UBE2D4: variants seen among roughly 807,000 people sequenced by gnomAD.
UBE2D4 encodes the protein ubiquitin-conjugating enzyme E2 D4.
In UBE2D4, 17 loss-of-function variants were observed where a neutral mutation model predicts 23.0. The ratio of observed to expected loss-of-function variants is 0.74; its 90% CI spans 0.51 to 1.11. UBE2D4 has a LOEUF of 1.11. Ranked by LOEUF, UBE2D4 falls within the 50% of genes least tolerant of loss-of-function variation. UBE2D4 has a pLI of 0.00. For synonymous variants in UBE2D4, 61 were observed against 69.4 expected, an observed-to-expected ratio of 0.88 and a Z score of 0.60; for missense variants, 139 against 181.8, an observed-to-expected ratio of 0.76 and a Z score of 1.35.
intron 1 of UBE2D4, among the ~76,000 whole-genome samples, chr7:43,936,103 C>T (rs1006833453): frequency 6.6e-6 from 1 of 152,222 alleles, no homozygotes; most frequent in Non-Finnish European, 1.5e-5. Flanking sequence ...GAACTCCTGA[C>T]ATCAGGCGAT....
At chr7:43,939,532 G>A (rs2095966416) in intron 2 of UBE2D4, among the ~76,000 whole-genome samples, 1 of 152,192 alleles carries the variant, frequency 6.6e-6, no homozygotes, top group Non-Finnish European at 1.5e-5. Context: ...GAAAATAGGT[G>A]GGGAGGGGAG....
intron 1 of UBE2D4, among the ~76,000 whole-genome samples, chr7:43,933,068 C>T (rs1408477543): frequency 2.8e-5 from 4 of 145,234 alleles, no homozygotes; most frequent in Non-Finnish European, 6.0e-5. Flanking sequence ...CATATATACA[C>T]ACATATATAT....
chr7:43,948,150 C>T (rs2132793761), intron 4 of UBE2D4, among the ~76,000 whole-genome samples: 1 of 152,298 alleles, frequency 6.6e-6, no homozygotes, highest in Middle Eastern at 3.4e-3. Flanking sequence ...GTTGCCTGTT[C>T]ACTCTGATGA....
Position 43,954,256 on chromosome 7 carries a change from CCTTTTT to C in UBE2D4, c.*1562_*1567del, listed in dbSNP as rs2096008878. 1.7e-5 allele frequency: 2 copies of C among 119,174 alleles called. No individual in the cohort carries two copies. The highest frequency in any genetic ancestry group is 6.6e-5 in the African/African-American group (2 of 30,332). The allele number at this position is 119,174 out of a possible 1,614,324, so 7.4% of individuals were successfully genotyped here. Reference sequence around the variant, plus strand: ...CTGCATCTCACCATGTTGAGGATTGCCTTTTTTTTTTTTTTTTTTTTTTTTTTTTAA... The same window carrying C: ...CTGCATCTCACCATGTTGAGGATTGCTTTTTTTTTTTTTTTTTTTTTTTAA... On this transcript the variant is annotated 3_prime_UTR_variant, in exon 7 of 7. Transcript: ENST00000222402.
rs1388632738 is a variant in UBE2D4 at position 43,953,040 on chromosome 7, T to G, written c.*345T>G. 1 of 424,126 alleles carries G rather than the reference T, an allele frequency of 2.4e-6. No individual in the cohort carries two copies. Among genetic ancestry groups the G allele is most frequent in the Non-Finnish European group, 4.7e-6 (1 of 212,380 alleles). 26.3% of individuals were successfully genotyped at this position (424,126 alleles called of 1,614,324 possible). A position where few individuals can be genotyped will look rare whatever the true frequency, so the allele number is the denominator to read the frequency against. On this transcript the variant is annotated 3_prime_UTR_variant, in exon 7 of 7. Transcript: ENST00000222402. ...CCTACCCGGCCTCAAATGGTGCTGCTGCCCATGATGGTACCACACCAGGGC... is the reference window on the plus strand; with the variant it reads ...CCTACCCGGCCTCAAATGGTGCTGCGGCCCATGATGGTACCACACCAGGGC...
At chr7:43,949,004 T>G (rs1287867598) in intron 5 of UBE2D4, 1 of 446,954 alleles carries the variant, frequency 2.2e-6, no homozygotes, top group Non-Finnish European at 4.0e-6. Context: ...AAAATACTGA[T>G]TCTACTTATA....
At chr7:43,943,465 C>T (rs766064035) in intron 4 of UBE2D4, 14 of 227,710 alleles carry the variant, frequency 6.1e-5, no homozygotes, top group Non-Finnish European at 1.1e-4. Context: ...GGTATCTAGT[C>T]GGCAAAGGCC....
intron 4 of UBE2D4, 82 bp from the exon 5 acceptor site, chr7:43,948,550 G>A (rs2095993750): frequency 4.4e-6 from 4 of 913,020 alleles, no homozygotes; most frequent in Non-Finnish European, 7.1e-6. Context: ...GTACTGCCCA[G>A]CAGCAGCTGC....
At chr7:43,931,397 T>C (rs1464018389) in intron 1 of UBE2D4, among the ~76,000 whole-genome samples, 1 of 152,180 alleles carries the variant, frequency 6.6e-6, no homozygotes, top group Non-Finnish European at 1.5e-5. Context: ...TGAGCCGATA[T>C]CGTGCCACTG....
chr7:43,932,207 T>C (rs1166200450), intron 1 of UBE2D4, among the ~76,000 whole-genome samples: 1 of 151,666 alleles, frequency 6.6e-6, no homozygotes, highest in Non-Finnish European at 1.5e-5. Context: ...GCCAGGATGG[T>C]CTCGATCTCC....
chr7:43,943,561 C>T (rs2095978477), intron 4 of UBE2D4: 1 of 163,510 alleles, frequency 6.1e-6, no homozygotes, highest in African/African-American at 2.4e-5. Flanking sequence ...TCAATAGTGC[C>T]AAGGTGGACA....
intron 1 of UBE2D4, among the ~76,000 whole-genome samples, chr7:43,930,783 AT>A (rs918067151): frequency 6.6e-6 from 1 of 151,934 alleles, no homozygotes; most frequent in Non-Finnish European, 1.5e-5. Flanking sequence ...CAGCATTTCA[AT>A]TTTTTAATGG....
chr7:43,935,667 A>G (rs1199059062), intron 1 of UBE2D4, among the ~76,000 whole-genome samples: 2 of 152,246 alleles, frequency 1.3e-5, no homozygotes, highest in African/African-American at 4.8e-5. Context: ...GCTTTAATGC[A>G]GATGAGACTT....
intron 1 of UBE2D4, among the ~76,000 whole-genome samples, chr7:43,929,669 C>G (rs2095941225): frequency 6.6e-6 from 1 of 152,072 alleles, no homozygotes; most frequent in African/African-American, 2.4e-5. Flanking sequence ...GTGACGCATT[C>G]ACTCTCACAG....
chr7:43,938,680 A>C (rs41279600), intron 2 of UBE2D4, among the ~76,000 whole-genome samples, 186 bp downstream of exon 2: 50,166 of 152,036 alleles, frequency 0.33, 8,712 homozygotes, highest in South Asian at 0.59. Context: ...TACTAAAAGT[A>C]CAAAAATTAG....
At chr7:43,931,135 GAAAA>G in intron 1 of UBE2D4, among the ~76,000 whole-genome samples, 1 of 149,412 alleles carries the variant, frequency 6.7e-6, no homozygotes, top group Admixed American at 6.7e-5. Flanking sequence ...AAAAAAAAAA[GAAAA>G]AAAGAAATAC....
chr7:43,930,806 T>C (rs1228909149), intron 1 of UBE2D4, among the ~76,000 whole-genome samples: 1 of 152,120 alleles, frequency 6.6e-6, no homozygotes, highest in Non-Finnish European at 1.5e-5. Flanking sequence ...TTTTTTTCTC[T>C]TTGATACGTG....
intron 6 of UBE2D4, 60 bp from the exon 7 acceptor site, chr7:43,952,590 C>T: frequency 7.0e-7 from 1 of 1,437,524 alleles, no homozygotes; most frequent in East Asian, 2.3e-5. Context: ...CTCTGCAGCA[C>T]ATTGAAGGGA....
At chr7:43,951,130 A>C (rs997571437) in intron 6 of UBE2D4, among the ~76,000 whole-genome samples, 2 of 152,220 alleles carry the variant, frequency 1.3e-5, no homozygotes, top group African/African-American at 4.8e-5. Context: ...TCAAGGTGGG[A>C]AACACTGCTG....
Sources: gnomAD v4.1 joint callset for allele counts (sites outside exome capture counted in the v4.1 genomes callset) on GRCh38, gnomAD v4.1.1 for gene constraint, MANE v1.5 for transcripts, NCBI Gene and HGNC (gene_info 2026-07-23, HGNC 2026-07-21) for gene names.